Variants in TEX26 observed in about 807,000 individuals in gnomAD.
The protein encoded by TEX26 is testis-expressed protein 26.
Under a neutral mutation model 35.3 loss-of-function variants are expected in TEX26, and 34 were observed. That is an observed-to-expected ratio of 0.96 (90% CI 0.73 to 1.28). TEX26 has a LOEUF of 1.28. Among genes scored for constraint, TEX26 ranks in the 50% most tolerant of loss-of-function variants. The probability of loss-of-function intolerance (pLI) is 0.00; values close to 1 mark genes in which losing one functional copy is unlikely to be tolerated. For missense variants in TEX26, 371 were observed against 330.1 expected (o/e 1.12, Z -0.96); for synonymous variants, 136 against 111.8 (o/e 1.22, Z -1.36).
intron 2 of TEX26, among the ~76,000 whole-genome samples, chr13:30,947,410 T>G (rs550692003): frequency 6.6e-6 from 1 of 152,244 alleles, no homozygotes; most frequent in East Asian, 1.9e-4. Context: ...TGAAAGGAGT[T>G]TTAGTATAGC....
intron 4 of TEX26, among the ~76,000 whole-genome samples, chr13:30,960,417 G>A (rs1442211578): frequency 1.3e-5 from 2 of 152,052 alleles, no homozygotes; most frequent in Non-Finnish European, 2.9e-5. Context: ...TAATTTGTTT[G>A]TATTTTTAGT....
At chr13:30,961,269 G>A (rs1954332079) in intron 4 of TEX26, among the ~76,000 whole-genome samples, 1 of 152,140 alleles carries the variant, frequency 6.6e-6, no homozygotes, top group Admixed American at 6.6e-5. Flanking sequence ...TAAACTTCTA[G>A]TTAGGAAGGA....
intron 6 of TEX26, among the ~76,000 whole-genome samples, chr13:30,969,522 C>T (rs1352283428): frequency 1.3e-5 from 2 of 152,176 alleles, no homozygotes; most frequent in Admixed American, 1.3e-4. Flanking sequence ...GGCTTCACTC[C>T]ACATGACAAA....
chr13:30,944,010 G>A (rs894037522), intron 2 of TEX26, among the ~76,000 whole-genome samples: 5 of 152,002 alleles, frequency 3.3e-5, no homozygotes, highest in Admixed American at 6.6e-5. Context: ...CAATCTTTTG[G>A]AATAGTTTCA....
In TEX26 at chr13:30,932,696, C is replaced by G. The variant is rs200717620; in HGVS notation, c.-20C>G. ...TGAGATAGCTGGAGCCAGGGCCCCG[C>G]GGCCGCCTCCTGGGGCAGAATGGAA... is the stretch of plus-strand genomic sequence containing the variant. On this transcript the variant is annotated 5_prime_UTR_variant, in exon 1 of 7. Transcript: ENST00000380473. The G allele has an allele frequency of 5.5e-5, 89 of 1,610,536 alleles. 1 individual carries two copies. In the African/African-American group the frequency reaches 1.1e-3, roughly 21 times the overall value.
In TEX26 at chr13:30,935,566, G is replaced by A. The variant is rs185220027; in HGVS notation, c.61+2790G>A. On this transcript the variant is annotated intron_variant, in intron 1 of 6. Transcript: ENST00000380473. ...TCTGCTGATAGCTGGAGATGATGGG[G>A]CAACTAGCTGCAGAAAGGAAGGAGT... Among the ~76,000 whole-genome samples, 10 of 152,348 alleles carry A rather than the reference G, an allele frequency of 6.6e-5. No homozygotes were observed. The East Asian group carries it at 1.9e-3, about 29-fold the overall frequency.
At chr13:30,954,212 C>T (rs1024980009) in intron 3 of TEX26, among the ~76,000 whole-genome samples, 1 of 149,818 alleles carries the variant, frequency 6.7e-6, no homozygotes, top group African/African-American at 2.5e-5. Flanking sequence ...AATTTGGTTC[C>T]TTGTGATATC....
chr13:30,935,108 C>G (rs1953222954), intron 1 of TEX26, among the ~76,000 whole-genome samples: 1 of 152,230 alleles, frequency 6.6e-6, no homozygotes, highest in African/African-American at 2.4e-5. Flanking sequence ...TCAGGGGTAT[C>G]TGATCCCACT....
intron 4 of TEX26, 122 bp downstream of exon 4, chr13:30,957,151 C>A (rs141230263): frequency 2.0e-6 from 2 of 983,778 alleles, no homozygotes; most frequent in South Asian, 1.8e-5. Flanking sequence ...TGGAGACAGG[C>A]GACTTTGCAA....
At chr13:30,949,222 T>G (rs1291707065) in intron 2 of TEX26, among the ~76,000 whole-genome samples, 1 of 152,144 alleles carries the variant, frequency 6.6e-6, no homozygotes, top group Non-Finnish European at 1.5e-5. Flanking sequence ...AAAACTACTT[T>G]AAAGTTCATA....
chr13:30,972,576 G>T lies in TEX26; in HGVS notation c.809-2270G>T, dbSNP rs527708329. Among the ~76,000 whole-genome samples the T allele has an allele frequency of 2.4e-4, 36 of 152,304 alleles. No individual in the cohort carries two copies. In the South Asian group the frequency reaches 5.8e-3, roughly 25 times the overall value. On this transcript the variant is annotated intron_variant, in intron 6 of 6. Coordinates refer to ENST00000380473, the MANE Select transcript of TEX26 (RefSeq NM_152325.3). ...GAGGAAGCAGTCAGAACCCCACAGA[G>T]CATTGGTGGGAATATTAAAGAGTAA...
chr13:30,971,404 G>C (rs767218865), intron 6 of TEX26, among the ~76,000 whole-genome samples: 2 of 152,142 alleles, frequency 1.3e-5, no homozygotes, highest in Non-Finnish European at 2.9e-5. Context: ...TAGAAGCCTA[G>C]AACAGGTACA....
chr13:30,959,636 T>A (rs1954263074), intron 4 of TEX26, among the ~76,000 whole-genome samples: 1 of 152,254 alleles, frequency 6.6e-6, no homozygotes. Flanking sequence ...TGTTTTTCTC[T>A]ACGTGTTTAC....
chr13:30,939,731 G>A lies in TEX26; in HGVS notation c.99G>A (p.Met33Ile), dbSNP rs565675956. The change falls in exon 2 of 7, where the codon ATG (methionine) becomes ATA (isoleucine). Residue 33 changes from methionine to isoleucine, a missense_variant. Transcript: ENST00000380473. The part of the protein sequence containing the change: ...DPNWDSYATT[M>I]RTAFTPKTGA... ...ACTGGGATTCCTATGCTACCACTAT[G>A]AGGACTGCATTCACGCCTAAAACAG... 7.4e-6 allele frequency: 12 copies of A among 1,614,102 alleles called. No individual in the cohort carries two copies. The highest frequency in any genetic ancestry group is 2.2e-5 in the South Asian group (2 of 91,076).
At chr13:30,936,507 T>C (rs2138161941) in intron 1 of TEX26, among the ~76,000 whole-genome samples, 1 of 152,250 alleles carries the variant, frequency 6.6e-6, no homozygotes, top group East Asian at 1.9e-4. Context: ...ACCTATGCTA[T>C]GATGACCCCT....
chr13:30,963,646 T>G (rs1954429845), intron 4 of TEX26, among the ~76,000 whole-genome samples: 1 of 152,234 alleles, frequency 6.6e-6, no homozygotes, highest in Admixed American at 6.5e-5. Flanking sequence ...GTGCGTTCAC[T>G]CATTAACTTA....
chr13:30,943,064 G>A (rs941071581), intron 2 of TEX26, among the ~76,000 whole-genome samples: 3 of 152,050 alleles, frequency 2.0e-5, no homozygotes, highest in South Asian at 2.1e-4. Flanking sequence ...CATTGACTCT[G>A]TAGATTGCTT....
intron 1 of TEX26, chr13:30,936,721 T>A (rs1490143946): frequency 3.0e-6 from 3 of 985,188 alleles, no homozygotes; most frequent in Non-Finnish European, 3.6e-6. Flanking sequence ...ACGGGAGGGC[T>A]TGGGGACTTC....
intron 1 of TEX26, among the ~76,000 whole-genome samples, chr13:30,935,521 C>A (rs34582424): frequency 6.6e-6 from 1 of 152,194 alleles, no homozygotes; most frequent in Non-Finnish European, 1.5e-5. Flanking sequence ...GGGAACCCCC[C>A]GCTGTAGAGG....
Sources: allele counts gnomAD v4.1 joint callset (sites outside exome capture counted in the v4.1 genomes callset), GRCh38; gene constraint gnomAD v4.1.1; transcripts MANE v1.5; gene names NCBI Gene and HGNC (gene_info 2026-07-23, HGNC 2026-07-21).